PDE3B: variants seen among roughly 807,000 people sequenced by gnomAD.
PDE3B encodes the protein cGMP-inhibited 3',5'-cyclic phosphodiesterase 3B.
Under a neutral mutation model 116.8 loss-of-function variants are expected in PDE3B, and 66 were observed. The ratio of observed to expected loss-of-function variants is 0.56; its 90% confidence interval spans 0.46 to 0.69. The LOEUF is 0.69. Ranked by LOEUF, PDE3B falls within the 30% of genes least tolerant of loss-of-function variation. The pLI is 0.00. For missense variants in PDE3B, 1,384 were observed against 1,368.1 expected, an observed-to-expected ratio of 1.01 and a Z score of -0.18; for synonymous variants, 595 against 533.6, an observed-to-expected ratio of 1.12 and a Z score of -1.59.
At chr11:14,669,506 C>T (rs1197691024) in intron 1 of PDE3B, among the ~76,000 whole-genome samples, 3 of 151,430 alleles carry the variant, frequency 2.0e-5, no homozygotes, top group Non-Finnish European at 4.4e-5. Context: ...GGTACAAGTG[C>T]ACAACGTGCA....
chr11:14,745,854 C>A (rs577413454), intron 1 of PDE3B, among the ~76,000 whole-genome samples: 1 of 152,142 alleles, frequency 6.6e-6, no homozygotes, highest in Non-Finnish European at 1.5e-5. Context: ...AGATCAGGGA[C>A]CTGAATCTGA....
chr11:14,645,028 C>T lies in PDE3B; in HGVS notation c.953C>T (p.Ser318Leu). Residue 318 changes from serine (S) to leucine (L), a missense_variant, in exon 1 of 16, where the codon TCG (serine) becomes TTG (leucine). Coordinates refer to ENST00000282096, the MANE Select transcript of PDE3B (RefSeq NM_000922.4). ...AGTTGCAAAATATTCAGGAGACCGT[C>T]GTTGCCTTGTATTTCCAGAGAACAG... Reference protein sequence around the residue: ...YGSCKIFRRPSLPCISREQMI... With the variant: ...YGSCKIFRRPLLPCISREQMI... The T allele has an allele frequency of 1.2e-6, 2 of 1,610,780 alleles. No homozygotes were observed. The highest frequency in any genetic ancestry group is 2.7e-5 in the African/African-American group (2 of 74,912).
At chr11:14,665,351 C>T (rs1590043997) in intron 1 of PDE3B, among the ~76,000 whole-genome samples, 1 of 152,302 alleles carries the variant, frequency 6.6e-6, no homozygotes, top group East Asian at 1.9e-4. Flanking sequence ...CCTTTGAAAA[C>T]TGGCACAAGA....
intron 1 of PDE3B, among the ~76,000 whole-genome samples, chr11:14,725,375 T>C (rs4757266): frequency 8.7e-5 from 13 of 150,150 alleles, no homozygotes; most frequent in East Asian, 5.9e-4. Flanking sequence ...CTTTCTCCTT[T>C]CTTCCTTCCT....
At chr11:14,801,560 G>T (rs1199268362) in intron 4 of PDE3B, among the ~76,000 whole-genome samples, 1 of 152,234 alleles carries the variant, frequency 6.6e-6, no homozygotes, top group African/African-American at 2.4e-5. Context: ...TCTGTATGGG[G>T]TGTCTGTCCG....
chr11:14,681,805 G>A (rs1037470922), intron 1 of PDE3B, among the ~76,000 whole-genome samples: 6 of 152,128 alleles, frequency 3.9e-5, no homozygotes, highest in African/African-American at 1.4e-4. Context: ...TTTTCATAGA[G>A]TTCTTGAGAT....
rs1848070461 is a variant in PDE3B, at chr11:14,867,564, C to T, written c.2945C>T (p.Pro982Leu). 2.5e-6 allele frequency: 4 copies of T among 1,613,772 alleles called. No homozygotes were observed. In the African/African-American group the frequency reaches 5.3e-5, roughly 22 times the overall value. Reference protein sequence around the residue: ...PISPFMDRSSPQLAKLQESFI... With the variant: ...PISPFMDRSSLQLAKLQESFI... ...AGTCCATTCATGGATCGTTCTTCTC[C>T]TCAACTAGCAAAACTCCAAGAATCT... Residue 982 changes from proline (P) to leucine (L), a missense_variant, in exon 15 of 16, where the codon CCT (proline) becomes CTT (leucine). By Grantham distance (98) the Pro-to-Leu change is moderately conservative (BLOSUM62 -3). Transcript: ENST00000282096.
At chr11:14,866,130 A>T (rs1351801341) in intron 14 of PDE3B, among the ~76,000 whole-genome samples, 1 of 152,184 alleles carries the variant, frequency 6.6e-6, no homozygotes, top group African/African-American at 2.4e-5. Flanking sequence ...GAACTAATAT[A>T]TGTAGACTTC....
intron 1 of PDE3B, among the ~76,000 whole-genome samples, chr11:14,669,495 G>A (rs184926875): frequency 3.9e-5 from 6 of 152,288 alleles, no homozygotes; most frequent in Admixed American, 1.3e-4. Flanking sequence ...TTAAGTTCTA[G>A]GGTACAAGTG....
At chr11:14,752,178 G>A (rs966370420) in intron 1 of PDE3B, among the ~76,000 whole-genome samples, 1 of 152,112 alleles carries the variant, frequency 6.6e-6, no homozygotes, top group African/African-American at 2.4e-5. Flanking sequence ...ATAACCTCAT[G>A]TGCTAGTTCT....
At chr11:14,853,987 AC>A (rs1168274638) in intron 12 of PDE3B, among the ~76,000 whole-genome samples, 18 of 152,190 alleles carry the variant, frequency 1.2e-4, no homozygotes, top group Admixed American at 6.5e-5. Flanking sequence ...TGAATCTGTT[AC>A]CCCTTCTTCC....
downstream of PDE3B, among the ~76,000 whole-genome samples, chr11:14,874,524 T>C (rs1207789450): frequency 6.6e-6 from 1 of 152,194 alleles, no homozygotes; most frequent in Non-Finnish European, 1.5e-5. Context: ...TTGGACCCCA[T>C]TTCTTTATAG....
At chr11:14,831,605 GATAAA>G (rs758936399) in intron 8 of PDE3B, 30 bp from the exon 9 acceptor site, 141 of 1,372,380 alleles carry the variant, frequency 1.0e-4, no homozygotes, top group East Asian at 7.9e-4. Flanking sequence ...ATTTATAAAA[GATAAA>G]ATAAAGTTGT....
intron 1 of PDE3B, among the ~76,000 whole-genome samples, chr11:14,731,984 GA>G (rs1565112866): frequency 6.6e-6 from 1 of 152,158 alleles, no homozygotes; most frequent in Non-Finnish European, 1.5e-5. Flanking sequence ...TAGGGGTTAG[GA>G]AAGGGGAGTT....
intron 5 of PDE3B, among the ~76,000 whole-genome samples, chr11:14,812,136 A>G (rs917209912): frequency 6.6e-6 from 1 of 152,136 alleles, no homozygotes; most frequent in Admixed American, 6.6e-5. Flanking sequence ...TAATGGGTCT[A>G]TGGTTTCTTT....
At chr11:14,671,458 A>G (rs1225056366) in intron 1 of PDE3B, among the ~76,000 whole-genome samples, 1 of 152,172 alleles carries the variant, frequency 6.6e-6, no homozygotes, top group African/African-American at 2.4e-5. Flanking sequence ...TGGGAGTGGT[A>G]AGAACAGTGT....
chr11:14,644,579 G>A lies in PDE3B; in HGVS notation c.504G>A (p.Val168=). ...GCTGTTACCTGGGGGACTTCTTGGT[G>A]TGGCAGTGGTGGTCTTGGCCTTGGG... ...PACCYLGDFL[V]WQWWSWPWGD... Residue 168 remains valine (V), a synonymous_variant, in exon 1 of 16, where the codon GTG becomes GTA. Coordinates refer to ENST00000282096, the MANE Select transcript of PDE3B (RefSeq NM_000922.4). 1.3e-6 allele frequency: 2 copies of A among 1,582,332 alleles called. No individual in the cohort carries two copies. Among genetic ancestry groups the A allele is most frequent in the Non-Finnish European group, 1.7e-6 (2 of 1,164,836 alleles).
intron 1 of PDE3B, among the ~76,000 whole-genome samples, chr11:14,730,329 C>T (rs184435919): frequency 6.6e-6 from 1 of 152,266 alleles, no homozygotes; most frequent in East Asian, 1.9e-4. Flanking sequence ...GAGAACTAAG[C>T]TCTGTGGTCT....
Position 14,830,712 on chromosome 11 carries a change from A to G in PDE3B, c.1822A>G (p.Ile608Val), listed in dbSNP as rs1389685912. Residue 608 changes from isoleucine (I) to valine (V), a missense_variant, in exon 8 of 16, where the codon ATT becomes GTT. By Grantham distance (29) the Ile-to-Val change is conservative. Around this residue, in one of 2 missense-constraint regions of PDE3B, gnomAD observed 956 missense variants for 806.8 expected, o/e 1.18. Transcript: ENST00000282096. The part of the protein sequence containing the change: ...CSGKSGEEEN[I>V]FSKESFKLME... ...TTTTTTGAAAGGTGAAGAAGAAAACATTTTCTCGAAAGAATCATTCAAACT... is the reference window on the plus strand; with the variant it reads ...TTTTTTGAAAGGTGAAGAAGAAAACGTTTTCTCGAAAGAATCATTCAAACT... The G allele has an allele frequency of 1.4e-6, 2 of 1,469,860 alleles. No homozygotes were observed. Among genetic ancestry groups the G allele is most frequent in the Non-Finnish European group, 1.8e-6 (2 of 1,104,894 alleles). The allele number at this position is 1,469,860 out of a possible 1,614,324, so 91.1% of individuals were successfully genotyped here. A position where few individuals can be genotyped will look rare whatever the true frequency, so the allele number is the denominator to read the frequency against.
Sources: gnomAD v4.1 joint callset for allele counts (sites outside exome capture counted in the v4.1 genomes callset) on GRCh38, gnomAD v4.1.1 for gene constraint, gnomAD v4.1.1 regional missense constraint, MANE v1.5 for transcripts, NCBI Gene and HGNC (gene_info 2026-07-23, HGNC 2026-07-21) for gene names.